The following ZNF385D variants were observed in gnomAD, a reference collection of about 807,000 sequenced individuals.
ZNF385D encodes zinc finger protein 659.
A neutral mutation model predicts 35.8 loss-of-function variants in ZNF385D; 15 were observed. That is an observed-to-expected ratio of 0.42 (90% CI 0.28 to 0.64). ZNF385D has a LOEUF of 0.64. Ranked by LOEUF, ZNF385D falls within the 30% of genes least tolerant of loss-of-function variation. ZNF385D has a pLI of 0.23. For missense variants in ZNF385D, 474 were observed against 494.6 expected, an observed-to-expected ratio of 0.96 and a Z score of 0.39; for synonymous variants, 212 against 186.8, an observed-to-expected ratio of 1.13 and a Z score of -1.10.
At chr3:22,231,894 G>C (rs760772799) in intron 2 of ZNF385D, among the ~76,000 whole-genome samples, 3 of 151,988 alleles carry the variant, frequency 2.0e-5, no homozygotes, top group Admixed American at 6.6e-5. Context: ...CACAAGATCT[G>C]GTTGTTTAAG....
At chr3:21,437,625 T>C (rs1701624957) in intron 4 of ZNF385D, among the ~76,000 whole-genome samples, 1 of 150,728 alleles carries the variant, frequency 6.6e-6, no homozygotes, top group African/African-American at 2.4e-5. Context: ...TTACTACTTA[T>C]CTATTTTACT....
intron 3 of ZNF385D, among the ~76,000 whole-genome samples, chr3:21,526,545 T>C (rs1708235608): frequency 6.6e-6 from 1 of 152,072 alleles, no homozygotes; most frequent in Non-Finnish European, 1.5e-5. Flanking sequence ...GCCATGGAGA[T>C]AGGATAAAAA....
At chr3:21,902,726 A>T (rs1013325072) in intron 3 of ZNF385D, among the ~76,000 whole-genome samples, 1 of 152,132 alleles carries the variant, frequency 6.6e-6, no homozygotes, top group Non-Finnish European at 1.5e-5. Context: ...ATGGCATTTT[A>T]AAAAACTGTT....
At chr3:21,800,809 A>G (rs576584276) in intron 3 of ZNF385D, among the ~76,000 whole-genome samples, 6 of 152,070 alleles carry the variant, frequency 3.9e-5, no homozygotes, top group Non-Finnish European at 8.8e-5. Flanking sequence ...TACATAAAAT[A>G]TTATGTTATC....
intron 2 of ZNF385D, among the ~76,000 whole-genome samples, chr3:22,353,836 A>G (rs1696027707): frequency 6.6e-6 from 1 of 152,060 alleles, no homozygotes; most frequent in Non-Finnish European, 1.5e-5. Flanking sequence ...CCAAATCTCA[A>G]ACATCTCACT....
intron 2 of ZNF385D, among the ~76,000 whole-genome samples, chr3:21,567,291 C>T (rs567941212): frequency 5.3e-5 from 8 of 152,054 alleles, no homozygotes; most frequent in South Asian, 2.1e-4. Context: ...TGTAGAATAG[C>T]GGTATGAAGG....
At chr3:22,308,686 G>A (rs949397640) in intron 2 of ZNF385D, among the ~76,000 whole-genome samples, 2 of 152,000 alleles carry the variant, frequency 1.3e-5, no homozygotes, top group Admixed American at 1.3e-4. Context: ...ACTAAAAGGG[G>A]AACTCATGCC....
chr3:21,737,027 C>G (rs1419770079), intron 1 of ZNF385D, among the ~76,000 whole-genome samples: 2 of 152,152 alleles, frequency 1.3e-5, no homozygotes, highest in African/African-American at 2.4e-5. Flanking sequence ...GCAACCTCTG[C>G]CTCCTGGGTT....
chr3:21,711,176 G>C (rs1015049927), intron 1 of ZNF385D, among the ~76,000 whole-genome samples: 1 of 149,862 alleles, frequency 6.7e-6, no homozygotes, highest in African/African-American at 2.5e-5. Flanking sequence ...CGAGTAGCTG[G>C]GACTACAGGA....
At chr3:22,217,964 T>C (rs1282315353) in intron 2 of ZNF385D, among the ~76,000 whole-genome samples, 1 of 152,176 alleles carries the variant, frequency 6.6e-6, no homozygotes, top group Non-Finnish European at 1.5e-5. Flanking sequence ...CACCGTCCTT[T>C]TATGGTTCTC....
chr3:22,139,698 T>C (rs902492948), intron 3 of ZNF385D, among the ~76,000 whole-genome samples: 3 of 152,072 alleles, frequency 2.0e-5, no homozygotes, highest in African/African-American at 7.2e-5. Context: ...TACACCGACA[T>C]GGCACATGTA....
At chr3:21,919,175 CTTCATTCATCCA>C (rs912267502) in intron 3 of ZNF385D, among the ~76,000 whole-genome samples, 4 of 152,060 alleles carry the variant, frequency 2.6e-5, no homozygotes, top group African/African-American at 9.7e-5. Flanking sequence ...AATATTCAGT[CTTCATTCATCCA>C]TTCATTCATC....
intron 3 of ZNF385D, among the ~76,000 whole-genome samples, chr3:22,070,155 T>TG (rs1700158618): frequency 6.6e-6 from 1 of 152,142 alleles, no homozygotes; most frequent in Non-Finnish European, 1.5e-5. Context: ...AAGATAAGCA[T>TG]CTTATTTTCT....
chr3:21,917,759 C>G (rs1700259374), intron 3 of ZNF385D, among the ~76,000 whole-genome samples: 1 of 152,160 alleles, frequency 6.6e-6, no homozygotes, highest in Admixed American at 6.5e-5. Flanking sequence ...CTTTACAAGT[C>G]ATATCTGTAC....
intron 3 of ZNF385D, among the ~76,000 whole-genome samples, chr3:22,099,706 G>T (rs1183025553): frequency 6.6e-6 from 1 of 151,942 alleles, no homozygotes; most frequent in Non-Finnish European, 1.5e-5. Flanking sequence ...AGCATGGCGG[G>T]GATACCAATA....
intron 1 of ZNF385D, among the ~76,000 whole-genome samples, chr3:21,718,078 G>A (rs1197909346): frequency 4.6e-5 from 7 of 152,222 alleles, no homozygotes; most frequent in African/African-American, 1.7e-4. Flanking sequence ...TGTTGCTGGT[G>A]TTGGGACTGC....
At chr3:21,660,143 C>CTTTG (rs2066194518) in intron 2 of ZNF385D, among the ~76,000 whole-genome samples, 1 of 152,022 alleles carries the variant, frequency 6.6e-6, no homozygotes, top group South Asian at 2.1e-4. Context: ...CTCTTCCCCA[C>CTTTG]CTCCTCTCTT....
intron 3 of ZNF385D, among the ~76,000 whole-genome samples, chr3:22,110,764 T>C (rs949734509): frequency 6.7e-6 from 1 of 150,222 alleles, no homozygotes. Flanking sequence ...GTTGTGAACA[T>C]GTACCCTAAA....
intron 3 of ZNF385D, chr3:21,961,610 G>A (rs909997668): frequency 1.3e-5 from 2 of 152,018 alleles, no homozygotes; most frequent in Non-Finnish European, 2.9e-5. Flanking sequence ...ACATTAAAAT[G>A]TCTAAAGTAG....
Sources: gnomAD v4.1 joint callset for allele counts (sites outside exome capture counted in the v4.1 genomes callset) on GRCh38, gnomAD v4.1.1 for gene constraint, MANE v1.5 for transcripts, NCBI Gene and HGNC (gene_info 2026-07-23, HGNC 2026-07-21) for gene names.